The following SIPA1L3 variants were observed in gnomAD, a reference collection of about 807,000 sequenced individuals.
The protein encoded by SIPA1L3 is signal-induced proliferation-associated 1-like protein 3.
A neutral mutation model predicts 150.1 loss-of-function variants in SIPA1L3; 59 were observed. The ratio of observed to expected loss-of-function variants is 0.39; its 90% CI spans 0.32 to 0.49. SIPA1L3 has a LOEUF of 0.49. Among genes scored for constraint, SIPA1L3 ranks in the 20% least tolerant of loss-of-function variants. The pLI is 0.86. For synonymous variants in SIPA1L3, 1,070 were observed against 1,077.6 expected, an observed-to-expected ratio of 0.99 and a Z score of 0.14; for missense variants, 2,211 against 2,489.5, an observed-to-expected ratio of 0.89 and a Z score of 2.38.
intron 13 of SIPA1L3, among the ~76,000 whole-genome samples, chr19:38,159,487 G>A (rs1972026429): frequency 6.6e-6 from 1 of 152,202 alleles, no homozygotes; most frequent in African/African-American, 2.4e-5. Context: ...TTTGTGGGGG[G>A]TCCAGTGAGA....
rs372598821 is a variant in SIPA1L3 at position 38,119,600 on chromosome 19, C to T, written c.2586C>T (p.Gly862=). The change falls in exon 9 of 22, where the codon GGC becomes GGT. Residue 862 remains glycine (G), a synonymous_variant. Coordinates refer to ENST00000222345, the MANE Select transcript of SIPA1L3 (RefSeq NM_015073.3). ...AGGAAAAGACAAAAGCACGGGCTGG[C>T]GCTGAGCAGCACAGTGCAGGGGCCA... The part of the protein sequence containing the change: ...KKKEKTKARA[G]AEQHSAGAIA... 1.2e-5 allele frequency: 19 copies of T among 1,614,200 alleles called. No individual in the cohort carries two copies. In the African/African-American group the frequency reaches 1.3e-4, roughly 11 times the overall value.
intron 1 of SIPA1L3, among the ~76,000 whole-genome samples, chr19:38,028,851 C>T (rs1968577099): frequency 6.6e-6 from 1 of 152,078 alleles, no homozygotes; most frequent in African/African-American, 2.4e-5. Context: ...CACCACCACG[C>T]CCGGCTAATT....
intron 1 of SIPA1L3, among the ~76,000 whole-genome samples, chr19:37,939,669 T>G (rs1309906166): frequency 6.6e-6 from 1 of 152,182 alleles, no homozygotes; most frequent in African/African-American, 2.4e-5. Flanking sequence ...AGACTTAAAT[T>G]GTACACAGCA....
At chr19:38,135,733 C>T (rs1334484426) in intron 10 of SIPA1L3, among the ~76,000 whole-genome samples, 1 of 152,110 alleles carries the variant, frequency 6.6e-6, no homozygotes, top group Non-Finnish European at 1.5e-5. Flanking sequence ...CAGGATCTCC[C>T]GTTTGCAGGG....
chr19:38,106,414 T>G (rs1970624549), intron 6 of SIPA1L3, 123 bp from the exon 7 acceptor site: 1 of 759,874 alleles, frequency 1.3e-6, no homozygotes. Flanking sequence ...GCCAGTGTAT[T>G]TAATTTTTAA....
chr19:38,092,497 A>G (rs1255777962), intron 4 of SIPA1L3, among the ~76,000 whole-genome samples: 2 of 152,104 alleles, frequency 1.3e-5, no homozygotes, highest in Non-Finnish European at 2.9e-5. Flanking sequence ...GCTTGATGCC[A>G]TTCCCAGTGT....
chr19:38,006,336 C>A (rs942778975), intron 1 of SIPA1L3, among the ~76,000 whole-genome samples: 3 of 152,144 alleles, frequency 2.0e-5, no homozygotes, highest in African/African-American at 7.2e-5. Context: ...GCAGACAGGG[C>A]CAATCATGCT....
chr19:37,952,578 CAGG>C (rs1480452182), intron 1 of SIPA1L3, among the ~76,000 whole-genome samples: 2 of 152,088 alleles, frequency 1.3e-5, no homozygotes, highest in African/African-American at 4.8e-5. Context: ...GGGGCTGAGG[CAGG>C]AGAATTCCTT....
At chr19:37,961,095 C>G (rs2046854606) in intron 1 of SIPA1L3, among the ~76,000 whole-genome samples, 1 of 151,892 alleles carries the variant, frequency 6.6e-6, no homozygotes, top group Non-Finnish European at 1.5e-5. Flanking sequence ...TCTTGAACTC[C>G]TGGCCTCAAG....
At chr19:37,959,889 A>G (rs1175304945) in intron 1 of SIPA1L3, among the ~76,000 whole-genome samples, 1 of 149,848 alleles carries the variant, frequency 6.7e-6, no homozygotes, top group East Asian at 2.0e-4. Context: ...CCTACTTCAG[A>G]TTAATATTAA....
chr19:38,143,378 CT>C (rs1971635355), intron 12 of SIPA1L3, among the ~76,000 whole-genome samples: 1 of 151,968 alleles, frequency 6.6e-6, no homozygotes, highest in Non-Finnish European at 1.5e-5. Flanking sequence ...CCCCTTCCTC[CT>C]CCTCCTTGCA....
At chr19:37,929,491 C>A (rs2046534223) in intron 1 of SIPA1L3, among the ~76,000 whole-genome samples, 1 of 152,196 alleles carries the variant, frequency 6.6e-6, no homozygotes, top group Non-Finnish European at 1.5e-5. Flanking sequence ...GTCCCAGTAC[C>A]ACAAGAACTC....
chr19:38,108,459 G>A (rs181966315), intron 7 of SIPA1L3: 1 of 152,352 alleles, frequency 6.6e-6, no homozygotes, highest in East Asian at 1.9e-4. Flanking sequence ...ATAAGGCTGT[G>A]CAGTGTTTAG....
chr19:37,937,873 C>T (rs1463452842), intron 1 of SIPA1L3, among the ~76,000 whole-genome samples: 1 of 150,782 alleles, frequency 6.6e-6, no homozygotes, highest in Non-Finnish European at 1.5e-5. Context: ...GGTGAAACCC[C>T]ATCTCTACTA....
At chr19:37,930,174 G>A (rs543483620) in intron 1 of SIPA1L3, among the ~76,000 whole-genome samples, 21 of 152,020 alleles carry the variant, frequency 1.4e-4, no homozygotes, top group African/African-American at 3.9e-4. Flanking sequence ...ACGGGCGCCC[G>A]CCACCACACC....
intron 14 of SIPA1L3, among the ~76,000 whole-genome samples, chr19:38,162,956 T>A (rs78931478): frequency 0.026 from 3,906 of 152,308 alleles, 57 homozygotes; most frequent in Non-Finnish European, 0.039. Flanking sequence ...GGAAATGTAG[T>A]CTTGCATGGC....
intron 12 of SIPA1L3, among the ~76,000 whole-genome samples, chr19:38,149,069 G>T (rs1370017152): frequency 6.6e-6 from 1 of 152,130 alleles, no homozygotes; most frequent in Non-Finnish European, 1.5e-5. Context: ...GGTCAACATA[G>T]GTCAGTTTGC....
At chr19:37,946,458 T>C (rs1411144201) in intron 1 of SIPA1L3, among the ~76,000 whole-genome samples, 1 of 152,222 alleles carries the variant, frequency 6.6e-6, no homozygotes, top group African/African-American at 2.4e-5. Flanking sequence ...TCTTTGCTAT[T>C]TGGGTAACCA....
In SIPA1L3 at chr19:38,119,615, T is replaced by A. The variant is rs908986750; in HGVS notation, c.2601T>A (p.Ser867Arg). The change falls in exon 9 of 22, where the codon AGT becomes AGA. Residue 867 changes from serine to arginine, a missense_variant. This residue lies in a region of SIPA1L3 where 625 missense variants were observed against 804.2 expected (regional missense o/e 0.78). Coordinates refer to ENST00000222345, the MANE Select transcript of SIPA1L3 (RefSeq NM_015073.3). The part of the protein sequence containing the change: ...TKARAGAEQH[S>R]AGAIAWRVVA... ...CACGGGCTGGCGCTGAGCAGCACAGTGCAGGGGCCATCGCCTGGAGGGTGG... is the reference window on the plus strand; with the variant it reads ...CACGGGCTGGCGCTGAGCAGCACAGAGCAGGGGCCATCGCCTGGAGGGTGG... 6.2e-7 allele frequency: 1 copy of A among 1,614,130 alleles called. No homozygotes were observed. The highest frequency in any genetic ancestry group is 1.1e-5 in the South Asian group (1 of 91,072).
Sources: allele counts gnomAD v4.1 joint callset (sites outside exome capture counted in the v4.1 genomes callset), GRCh38; gene constraint gnomAD v4.1.1; regional missense constraint gnomAD v4.1.1; transcripts MANE v1.5; gene names NCBI Gene and HGNC (gene_info 2026-07-23, HGNC 2026-07-21).